Variants in DNAAF8 observed in about 807,000 individuals in gnomAD.
DNAAF8 encodes the protein dynein axonemal-associated protein 1.
In DNAAF8, 61 loss-of-function variants were observed where a neutral mutation model predicts 54.6. The observed-to-expected ratio is 1.12, with a 90% CI of 0.91 to 1.38. DNAAF8 has a LOEUF of 1.38. Ranked by LOEUF, DNAAF8 falls within the 40% of genes most tolerant of loss-of-function variation. The probability of loss-of-function intolerance (pLI) is 0.00; values close to 1 mark genes in which losing one functional copy is unlikely to be tolerated. For missense variants in DNAAF8, 837 were observed against 665.0 expected (o/e 1.26, Z -2.85); for synonymous variants, 320 against 270.1 (o/e 1.18, Z -1.81).
At chr16:4,748,004 C>G (rs1243553187) in intron 9 of DNAAF8, among the ~76,000 whole-genome samples, 1 of 152,058 alleles carries the variant, frequency 6.6e-6, no homozygotes, top group Non-Finnish European at 1.5e-5. Context: ...TCAATAAGGT[C>G]TTTTTAAAAA....
chr16:4,742,775 C>A (rs1318843062), intron 4 of DNAAF8, among the ~76,000 whole-genome samples: 1 of 152,072 alleles, frequency 6.6e-6, no homozygotes, highest in Admixed American at 6.6e-5. Context: ...CAGACAACGT[C>A]TTTGTGCCAA....
intron 8 of DNAAF8, 83 bp from the exon 9 acceptor site, chr16:4,747,260 C>A (rs187996858): frequency 1.3e-5 from 19 of 1,460,482 alleles, no homozygotes; most frequent in Non-Finnish European, 1.8e-5. Flanking sequence ...CTGGGCTCAT[C>A]TGCTTTTCTC....
intron 3 of DNAAF8, 86 bp downstream of exon 3, chr16:4,738,032 C>G: frequency 4.2e-6 from 6 of 1,440,020 alleles, no homozygotes; most frequent in Non-Finnish European, 5.7e-6. Flanking sequence ...CTAGCATTTC[C>G]ACGATATGCT....
In DNAAF8 at chr16:4,740,662, A is replaced by G; in HGVS notation, c.783+3A>G. ...GACCACCAGTGCTCTCGCTCCAGGT[A>G]GGCGCCTCCCCGTGCCTGGCTGTTT... On this transcript the variant is annotated splice_donor_region_variant and intron_variant, in intron 4 of 9. Coordinates refer to ENST00000299320, the MANE Select transcript of DNAAF8 (RefSeq NM_139170.3). 6.3e-7 allele frequency: 1 copy of G among 1,584,646 alleles called. No homozygotes were observed. The highest frequency in any genetic ancestry group is 8.6e-7 in the Non-Finnish European group (1 of 1,169,070).
At chr16:4,746,799 C>T (rs1033247494) in intron 7 of DNAAF8, 128 bp from the exon 8 acceptor site, 54 of 896,976 alleles carry the variant, frequency 6.0e-5, no homozygotes, top group African/African-American at 1.5e-4. Context: ...GGACGTCCAC[C>T]GGCCTCCAGT....
chr16:4,741,191 A>G (rs1303311218), intron 4 of DNAAF8, among the ~76,000 whole-genome samples: 2 of 149,450 alleles, frequency 1.3e-5, no homozygotes, highest in African/African-American at 2.5e-5. Context: ...CCGATATCGC[A>G]CCACTACACT....
chr16:4,742,686 C>T (rs1213305796), intron 4 of DNAAF8, among the ~76,000 whole-genome samples: 1 of 152,104 alleles, frequency 6.6e-6, no homozygotes, highest in Non-Finnish European at 1.5e-5. Context: ...CACCACTACA[C>T]TCCAGCCTGA....
intron 5 of DNAAF8, among the ~76,000 whole-genome samples, chr16:4,744,256 C>G (rs2081985388): frequency 6.6e-6 from 1 of 152,180 alleles, no homozygotes; most frequent in Non-Finnish European, 1.5e-5. Context: ...TTTAAAGGCA[C>G]ATAACCCTTT....
At position 4,744,930 on chromosome 16, in the gene DNAAF8, C is replaced by T. The variant is rs1235782454; in HGVS notation, c.962C>T (p.Thr321Met). Residue 321 changes from threonine (T) to methionine (M), a missense_variant, in exon 6 of 10, where the codon ACG becomes ATG. Thr to Met is a moderately conservative substitution (Grantham distance 81). Transcript: ENST00000299320. Reference protein sequence around the residue: ...LMEQLALLCTTQSKASACARK... With the variant: ...LMEQLALLCTMQSKASACARK... ...GAACAGCTGGCCCTCCTGTGCACCACGCAGTCCAAGGCCTCTGCTTGTGCC... is the reference window on the plus strand; with the variant it reads ...GAACAGCTGGCCCTCCTGTGCACCATGCAGTCCAAGGCCTCTGCTTGTGCC... The T allele has an allele frequency of 2.8e-5, 45 of 1,613,778 alleles. No individual in the cohort carries two copies. The highest frequency in any genetic ancestry group is 3.5e-5 in the Non-Finnish European group (41 of 1,179,932).
Position 4,749,308 on chromosome 16 carries a change from T to G in DNAAF8, c.*593T>G, listed in dbSNP as rs1256389453. 6.5e-6 allele frequency: 1 copy of G among 154,450 alleles called. No individual in the cohort carries two copies. Among genetic ancestry groups the G allele is most frequent in the Non-Finnish European group, 1.5e-5 (1 of 68,236 alleles). 9.6% of individuals were successfully genotyped at this position (154,450 alleles called of 1,614,324 possible). A position where few individuals can be genotyped will look rare whatever the true frequency, so the allele number is the denominator to read the frequency against. On this transcript the variant is annotated 3_prime_UTR_variant, in exon 10 of 10. Transcript: ENST00000299320. ...AGGCTTTTTTTTTCTTCAACCCCAT[T>G]TTCTTCCATTTCTCCCACCTTTTTA...
rs1415881934 is a variant in DNAAF8, at chr16:4,737,863, C to T, written c.193C>T (p.Leu65=). 2.5e-6 allele frequency: 4 copies of T among 1,614,146 alleles called. No individual in the cohort carries two copies. Residue 65 remains leucine, a synonymous_variant, in exon 3 of 10, where the codon CTG becomes TTG. Transcript: ENST00000299320. ...AAACCAAACCTCCCTGATTCCAGAC[C>T]TGTCGGAGGAGCTGGCTGAAGATCC... ...QRNQTSLIPD[L]SEELAEDPAD...
intron 4 of DNAAF8, among the ~76,000 whole-genome samples, 180 bp downstream of exon 4, chr16:4,740,839 C>T (rs1257529575): frequency 6.6e-6 from 1 of 152,048 alleles, no homozygotes; most frequent in Non-Finnish European, 1.5e-5. Context: ...AGAGCACATC[C>T]TGGGGGAGGG....
chr16:4,742,552 C>CAAAA (rs576508321), intron 4 of DNAAF8, among the ~76,000 whole-genome samples: 1 of 94,688 alleles, frequency 1.1e-5, no homozygotes. Flanking sequence ...ACTAAAAATA[C>CAAAA]AAAAAAAAAA....
In DNAAF8 at chr16:4,747,470, G is replaced by T; in HGVS notation, c.1408G>T (p.Gly470Ter). Residue 470 changes from glycine to a stop codon, truncating the protein, a stop_gained, in exon 9 of 10, where the codon GGA becomes TGA. Coordinates refer to ENST00000299320, the MANE Select transcript of DNAAF8 (RefSeq NM_139170.3). LOFTEE classifies it high-confidence loss of function. ...GGCTCAGGCCCCTGAAGACACAGCT[G>T]GATCACGAACTGGGAGGAAGCAACA... ...GRAQAPEDTA[G>*]SRTGRKQHMK... 1 of 1,613,264 alleles carries T rather than the reference G, an allele frequency of 6.2e-7. No individual in the cohort carries two copies. Among genetic ancestry groups the T allele is most frequent in the East Asian group, 2.2e-5 (1 of 44,882 alleles).
intron 4 of DNAAF8, 118 bp downstream of exon 4, chr16:4,740,777 A>C (rs2081952367): frequency 3.2e-6 from 4 of 1,250,860 alleles, no homozygotes; most frequent in Non-Finnish European, 4.3e-6. Context: ...CCTTAGGCCC[A>C]TTATCCACCA....
chr16:4,747,626 C>G lies in DNAAF8; in HGVS notation c.*1C>G, dbSNP rs1323990549. 1 of 1,601,330 alleles carries G rather than the reference C, an allele frequency of 6.2e-7. No homozygotes were observed. The highest frequency in any genetic ancestry group is 8.5e-7 in the Non-Finnish European group (1 of 1,172,802). ...GATGCCTCCTCTGGAGCAACTATAG[C>G]TGCCTCAGGTAGTGGGATCCCAGGA... On this transcript the variant is annotated 3_prime_UTR_variant, in exon 9 of 10. Transcript: ENST00000299320.
At chr16:4,735,004 C>G (rs1306239835) in intron 1 of DNAAF8, 1 of 152,190 alleles carries the variant, frequency 6.6e-6, no homozygotes, top group Non-Finnish European at 1.5e-5. Flanking sequence ...CCGAGCCTCC[C>G]CTTCGCCTTC....
intron 4 of DNAAF8, among the ~76,000 whole-genome samples, chr16:4,741,843 C>T (rs764362274): frequency 6.6e-6 from 1 of 152,054 alleles, no homozygotes; most frequent in Non-Finnish European, 1.5e-5. Flanking sequence ...TGCAGAGATA[C>T]GCTTGTCACA....
Position 4,746,952 on chromosome 16 carries a change from G to A in DNAAF8, c.1207G>A (p.Glu403Lys), listed in dbSNP as rs1220920790. ...CTCCAGCCACAGCTCCTCTGACAGTGAGGAGGAGGAGGAGGAAGAGATGGC... is the reference window on the plus strand; with the variant it reads ...CTCCAGCCACAGCTCCTCTGACAGTAAGGAGGAGGAGGAGGAAGAGATGGC... ...ESSSHSSSDSEEEEEEEMAAL... is the reference protein window; with the variant it reads ...ESSSHSSSDSKEEEEEEMAAL... The change falls in exon 8 of 10, where the codon GAG (glutamate) becomes AAG (lysine). Residue 403 changes from glutamate to lysine, a missense_variant. Physicochemically the swap from Glu to Lys is moderately conservative, Grantham distance 56. Coordinates refer to ENST00000299320, the MANE Select transcript of DNAAF8 (RefSeq NM_139170.3). 3.1e-6 allele frequency: 4 copies of A among 1,276,338 alleles called. 1 individual carries two copies. Among genetic ancestry groups the A allele is most frequent in the East Asian group, 6.3e-5 (2 of 31,618 alleles). The allele number at this position is 1,276,338 out of a possible 1,614,324, so 79.1% of individuals were successfully genotyped here.
Sources: gnomAD v4.1 joint callset for allele counts (sites outside exome capture counted in the v4.1 genomes callset) on GRCh38, gnomAD v4.1.1 for gene constraint, MANE v1.5 for transcripts, NCBI Gene and HGNC (gene_info 2026-07-23, HGNC 2026-07-21) for gene names.